The following ROBO2 variants were observed in gnomAD, a reference collection of about 807,000 sequenced individuals.
ROBO2 encodes the protein roundabout guidance receptor 2.
In ROBO2, 53 loss-of-function variants were observed where a neutral mutation model predicts 160.8. The ratio of observed to expected loss-of-function variants is 0.33; its 90% CI spans 0.26 to 0.41. The LOEUF (loss-of-function observed/expected upper bound fraction) is 0.41, where lower values mean the gene tolerates loss of function less well. ROBO2 is among the 10% of genes least tolerant of loss of function. ROBO2 has a pLI of 1.00. For synonymous variants in ROBO2, 664 were observed against 611.7 expected (o/e 1.09, Z -1.26); for missense variants, 1,577 against 1,722.4 (o/e 0.92, Z 1.49).
At position 76,553,227 on chromosome 3, in the gene ROBO2, C is replaced by T. The variant is rs371557579; in HGVS notation, c.110-544787C>T. On this transcript the variant is annotated intron_variant, in intron 2 of 26. Transcript: ENST00000487694. ...AATTAGAGTGAGAAAGGGGTCAAAACTGCATTGAGAAGGAGCAACATTTTA... is the reference window on the plus strand; with the variant it reads ...AATTAGAGTGAGAAAGGGGTCAAAATTGCATTGAGAAGGAGCAACATTTTA... Among the ~76,000 whole-genome samples the T allele has an allele frequency of 1.3e-4, 20 of 152,160 alleles. No individual in the cohort carries two copies. In the East Asian group the frequency reaches 2.9e-3, roughly 22 times the overall value.
rs1277826669 is a variant in ROBO2, at chr3:76,015,498, G to A, written c.109+77896G>A. Among the ~76,000 whole-genome samples the A allele has an allele frequency of 3.3e-5, 5 of 152,056 alleles. No individual in the cohort carries two copies. The East Asian group carries it at 7.7e-4, about 23-fold the overall frequency. On this transcript the variant is annotated intron_variant, in intron 2 of 26. Coordinates refer to the ROBO2 transcript ENST00000487694. ...TTGTGACTTTTAAACTAAAAATTTT[G>A]TATAACTATATTTTACACAATTTTA...
chr3:76,570,975 A>C (rs1433580348), intron 2 of ROBO2, among the ~76,000 whole-genome samples: 1 of 152,168 alleles, frequency 6.6e-6, no homozygotes, highest in African/African-American at 2.4e-5. Context: ...ACAAGAAAAA[A>C]TGTTCTAAAA....
intron 22 of ROBO2, among the ~76,000 whole-genome samples, chr3:77,621,901 A>C (rs149297922): frequency 4.6e-4 from 70 of 152,326 alleles, no homozygotes; most frequent in Non-Finnish European, 8.4e-4. Context: ...GGAGAAAAAT[A>C]TTCACTTTAA....
chr3:76,424,237 A>G (rs1403275459), intron 2 of ROBO2, among the ~76,000 whole-genome samples: 1 of 152,204 alleles, frequency 6.6e-6, no homozygotes, highest in Non-Finnish European at 1.5e-5. Flanking sequence ...TTATGCAATG[A>G]ATTGAACAAC....
chr3:77,296,973 G>T lies in ROBO2; in HGVS notation c.389-180441G>T, dbSNP rs150033277. Among the ~76,000 whole-genome samples the T allele has an allele frequency of 5.3e-5, 8 of 152,178 alleles. No individual in the cohort carries two copies. The East Asian group carries it at 1.2e-3, about 22-fold the overall frequency. On this transcript the variant is annotated intron_variant, in intron 2 of 25. Coordinates refer to ENST00000461745, the Ensembl canonical transcript of ROBO2. ...TTTTCTCGCATACTTTGACTTATTC[G>T]TCTGTATGTACCTTTAAATGGACAG...
At chr3:77,534,413 T>C (rs539152045) in intron 6 of ROBO2, among the ~76,000 whole-genome samples, 1 of 152,176 alleles carries the variant, frequency 6.6e-6, no homozygotes, top group East Asian at 1.9e-4. Context: ...ATGAGGAGAT[T>C]AGTATTAAGA....
At chr3:76,634,559 C>G (rs893801539) in intron 2 of ROBO2, among the ~76,000 whole-genome samples, 2 of 138,980 alleles carry the variant, frequency 1.4e-5, no homozygotes, top group African/African-American at 5.4e-5. Context: ...CAAAGTGAGA[C>G]TTCGTCTCAA....
chr3:76,019,211 T>G (rs186861364), intron 2 of ROBO2, among the ~76,000 whole-genome samples: 34 of 152,000 alleles, frequency 2.2e-4, no homozygotes, highest in Non-Finnish European at 3.5e-4. Flanking sequence ...CTGAGAATAC[T>G]GTGTATTCCT....
chr3:77,120,635 A>G (rs1003867945), intron 2 of ROBO2, among the ~76,000 whole-genome samples: 1 of 152,224 alleles, frequency 6.6e-6, no homozygotes. Context: ...CTGGAATTAC[A>G]GTGATAGGAG....
chr3:77,216,481 TTC>T (rs1426915287), intron 2 of ROBO2, among the ~76,000 whole-genome samples: 1 of 152,196 alleles, frequency 6.6e-6, no homozygotes, highest in Non-Finnish European at 1.5e-5. Flanking sequence ...TGTCACCCCT[TTC>T]TCTGACTAGG....
intron 2 of ROBO2, among the ~76,000 whole-genome samples, chr3:76,552,192 C>T (rs1280998700): frequency 6.6e-6 from 1 of 152,128 alleles, no homozygotes; most frequent in Non-Finnish European, 1.5e-5. Flanking sequence ...TTAAAGTATA[C>T]AGGAGGATAC....
chr3:76,667,801 A>G (rs1214294149), intron 2 of ROBO2, among the ~76,000 whole-genome samples: 1 of 152,224 alleles, frequency 6.6e-6, no homozygotes, highest in East Asian at 1.9e-4. Context: ...TAAAAGATAG[A>G]AAATGTTCAA....
At chr3:77,326,345 A>G (rs2065390103) in intron 2 of ROBO2, among the ~76,000 whole-genome samples, 1 of 152,226 alleles carries the variant, frequency 6.6e-6, no homozygotes. Flanking sequence ...TATGCAAGAA[A>G]TACTTATCAA....
At chr3:76,697,907 A>G (rs190265385) in intron 2 of ROBO2, among the ~76,000 whole-genome samples, 92 of 152,272 alleles carry the variant, frequency 6.0e-4, no homozygotes, top group African/African-American at 2.1e-3. Flanking sequence ...AGTATCTTAA[A>G]AAATTTGGAA....
At chr3:76,344,328 G>A (rs764182225) in intron 2 of ROBO2, among the ~76,000 whole-genome samples, 3 of 152,118 alleles carry the variant, frequency 2.0e-5, no homozygotes, top group Non-Finnish European at 4.4e-5. Flanking sequence ...AGTGTGATAT[G>A]CATATCTTCA....
intron 2 of ROBO2, among the ~76,000 whole-genome samples, chr3:76,241,896 G>A (rs1310086642): frequency 1.3e-5 from 2 of 152,102 alleles, no homozygotes; most frequent in Non-Finnish European, 2.9e-5. Flanking sequence ...ATGGAATTGT[G>A]AATAATTAAA....
At chr3:75,944,193 T>A (rs1948179732) in intron 2 of ROBO2, among the ~76,000 whole-genome samples, 1 of 152,036 alleles carries the variant, frequency 6.6e-6, no homozygotes, top group Non-Finnish European at 1.5e-5. Flanking sequence ...CTCATAACCA[T>A]CTCCTGGTGT....
At chr3:77,232,381 G>A (rs1340971097) in intron 2 of ROBO2, among the ~76,000 whole-genome samples, 1 of 152,104 alleles carries the variant, frequency 6.6e-6, no homozygotes, top group African/African-American at 2.4e-5. Flanking sequence ...ATAAAGTCCT[G>A]AGTAGAGAAA....
chr3:76,744,601 A>G (rs978005309), intron 2 of ROBO2, among the ~76,000 whole-genome samples: 28 of 152,102 alleles, frequency 1.8e-4, no homozygotes, highest in African/African-American at 5.1e-4. Context: ...TCTTCAAGCA[A>G]TCCTTCCACT....
Sources: gnomAD v4.1 joint callset for allele counts (sites outside exome capture counted in the v4.1 genomes callset) on GRCh38, gnomAD v4.1.1 for gene constraint, MANE v1.5 for transcripts, NCBI Gene and HGNC (gene_info 2026-07-23, HGNC 2026-07-21) for gene names.